Variants in SLC25A26 observed in about 807,000 individuals in gnomAD.
SLC25A26 encodes the protein solute carrier family 25 member 26, also known as mitochondrial S-adenosylmethionine carrier protein.
In SLC25A26, 36 loss-of-function variants were observed where a neutral mutation model predicts 37.8. The observed-to-expected ratio is 0.95, with a 90% confidence interval of 0.73 to 1.26. The LOEUF (loss-of-function observed/expected upper bound fraction) is 1.26. SLC25A26 is among the 50% of genes most tolerant of loss of function. The probability of loss-of-function intolerance (pLI) is 0.00; values close to 1 mark genes in which losing one functional copy is unlikely to be tolerated. For missense variants in SLC25A26, 390 were observed against 331.1 expected, an observed-to-expected ratio of 1.18 and a Z score of -1.38; for synonymous variants, 129 against 122.5, an observed-to-expected ratio of 1.05 and a Z score of -0.35.
At chr3:66,322,132 G>T (rs2075711655) in intron 5 of SLC25A26, among the ~76,000 whole-genome samples, 2 of 152,088 alleles carry the variant, frequency 1.3e-5, no homozygotes, top group Admixed American at 6.6e-5. Context: ...ATGCTTATAA[G>T]GTATGAAATG....
At chr3:66,164,457 T>C (rs186641749) in intron 1 of SLC25A26, among the ~76,000 whole-genome samples, 1 of 152,208 alleles carries the variant, frequency 6.6e-6, no homozygotes, top group East Asian at 1.9e-4. Flanking sequence ...TTTTTTTTAA[T>C]GAGGGAGAAA....
At chr3:66,152,810 T>A (rs1360273948) in intron 1 of SLC25A26, among the ~76,000 whole-genome samples, 2 of 152,172 alleles carry the variant, frequency 1.3e-5, no homozygotes, top group African/African-American at 4.8e-5. Flanking sequence ...AGTAATCCCA[T>A]CTTGTGCCTT....
chr3:66,336,570 C>T (rs1348086935), intron 5 of SLC25A26, among the ~76,000 whole-genome samples: 1 of 152,186 alleles, frequency 6.6e-6, no homozygotes, highest in East Asian at 1.9e-4. Context: ...TTTGGAATTT[C>T]TGAGTCTTAA....
rs755520008 is a variant in SLC25A26, at chr3:66,377,793, A to G, written c.811A>G (p.Arg271Gly). Residue 271 changes from arginine (R) to glycine (G), a missense_variant, in exon 10 of 10, where the codon AGA (arginine) becomes GGA (glycine). Transcript: ENST00000354883. ...GCACAGCTTGCTGTTGGAAGTTGGC[A>G]GAAAGAGTCCTTGAAGCAGAGACAA... Reference protein sequence around the residue: ...RTHSLLLEVGRKSP With the variant: ...RTHSLLLEVGGKSP 1 of 1,613,646 alleles carries G rather than the reference A, an allele frequency of 6.2e-7. No individual in the cohort carries two copies. Among genetic ancestry groups the G allele is most frequent in the South Asian group, 1.1e-5 (1 of 91,072 alleles).
intron 5 of SLC25A26, among the ~76,000 whole-genome samples, chr3:66,304,048 A>G (rs1289587313): frequency 6.6e-6 from 1 of 152,208 alleles, no homozygotes; most frequent in East Asian, 1.9e-4. Flanking sequence ...AATCTCTCAC[A>G]CTTCAGATCT....
At chr3:66,152,043 A>G (rs1284302655) in intron 1 of SLC25A26, among the ~76,000 whole-genome samples, 1 of 152,210 alleles carries the variant, frequency 6.6e-6, no homozygotes, top group African/African-American at 2.4e-5. Flanking sequence ...AGGGAAGCCA[A>G]TAACGATGTC....
At chr3:66,351,928 C>T (rs1480645798) in intron 6 of SLC25A26, among the ~76,000 whole-genome samples, 2 of 152,092 alleles carry the variant, frequency 1.3e-5, no homozygotes, top group Non-Finnish European at 2.9e-5. Context: ...ATATCTTCTT[C>T]ACACAGCAGC....
chr3:66,240,263 A>C (rs1273404379), intron 2 of SLC25A26, among the ~76,000 whole-genome samples: 1 of 152,124 alleles, frequency 6.6e-6, no homozygotes, highest in Non-Finnish European at 1.5e-5. Flanking sequence ...TGCTACAGTT[A>C]ATTTTGTGCA....
intron 6 of SLC25A26, among the ~76,000 whole-genome samples, chr3:66,359,439 T>C (rs1235898668): frequency 2.6e-5 from 4 of 152,258 alleles, no homozygotes; most frequent in Admixed American, 6.5e-5. Context: ...CTTACTGTTA[T>C]TTACTTTTGC....
Position 66,287,484 on chromosome 3 carries a change from A to G in SLC25A26, c.453+24105A>G, listed in dbSNP as rs548798313. ...TCTGAACATGCCTATTTTCTCTTGC[A>G]TTACTATACTGTTAATATGTAGACA... On this transcript the variant is annotated intron_variant, in intron 5 of 9. Coordinates refer to ENST00000354883, the MANE Select transcript of SLC25A26 (RefSeq NM_001379210.1). 2.2e-4 allele frequency among the ~76,000 whole-genome samples: 33 copies of G among 152,080 alleles called. No homozygotes were observed. The South Asian group carries it at 5.2e-3, about 24-fold the overall frequency.
At chr3:66,329,284 C>A (rs1443172112) in intron 5 of SLC25A26, among the ~76,000 whole-genome samples, 3 of 152,072 alleles carry the variant, frequency 2.0e-5, no homozygotes, top group Non-Finnish European at 4.4e-5. Context: ...CTGTAAATTT[C>A]TTTTTAATGT....
intron 7 of SLC25A26, 41 bp downstream of exon 7, chr3:66,362,970 G>T: frequency 1.5e-6 from 2 of 1,336,612 alleles, no homozygotes; most frequent in Non-Finnish European, 1.0e-6. Flanking sequence ...CCAAAGAGGG[G>T]GAAAAATGTG....
chr3:66,377,541 A>G (rs1700742841), intron 9 of SLC25A26, 149 bp from the exon 10 acceptor site: 1 of 596,648 alleles, frequency 1.7e-6, no homozygotes, highest in Non-Finnish European at 3.0e-6. Flanking sequence ...GGACACAGCT[A>G]TTACTTGCCT....
chr3:66,347,951 A>G (rs550690950), intron 6 of SLC25A26, among the ~76,000 whole-genome samples: 6 of 152,220 alleles, frequency 3.9e-5, no homozygotes, highest in Non-Finnish European at 5.9e-5. Context: ...CAGAAGAACA[A>G]CACACAATGA....
chr3:66,204,376 A>C (rs1175565180), intron 1 of SLC25A26, among the ~76,000 whole-genome samples: 1 of 138,372 alleles, frequency 7.2e-6, no homozygotes, highest in Non-Finnish European at 1.6e-5. Context: ...CAGTGAGCCG[A>C]GATCGCGCCA....
At chr3:66,154,298 C>T (rs2070248179) in intron 1 of SLC25A26, among the ~76,000 whole-genome samples, 1 of 152,154 alleles carries the variant, frequency 6.6e-6, no homozygotes, top group African/African-American at 2.4e-5. Context: ...ATTCCTCTTT[C>T]CTTTGCTGCT....
At chr3:66,169,491 T>C (rs2070466591) in intron 1 of SLC25A26, among the ~76,000 whole-genome samples, 1 of 152,220 alleles carries the variant, frequency 6.6e-6, no homozygotes, top group Admixed American at 6.5e-5. Flanking sequence ...GATGCCTTCC[T>C]TGTCCCACCC....
At chr3:66,372,798 A>G (rs1441385519) in intron 9 of SLC25A26, among the ~76,000 whole-genome samples, 1 of 152,204 alleles carries the variant, frequency 6.6e-6, no homozygotes, top group Non-Finnish European at 1.5e-5. Context: ...GCCTGAAGGT[A>G]TCTCTGCCAG....
chr3:66,246,942 A>T (rs1013917380), intron 3 of SLC25A26, among the ~76,000 whole-genome samples: 1 of 151,898 alleles, frequency 6.6e-6, no homozygotes, highest in Non-Finnish European at 1.5e-5. Flanking sequence ...GCTCACTGCA[A>T]CCTCTGCCTC....
Sources: gnomAD v4.1 joint callset for allele counts (sites outside exome capture counted in the v4.1 genomes callset) on GRCh38, gnomAD v4.1.1 for gene constraint, MANE v1.5 for transcripts, NCBI Gene and HGNC (gene_info 2026-07-23, HGNC 2026-07-21) for gene names.